The following IFT122 variants were observed in gnomAD, a reference collection of about 807,000 sequenced individuals.
IFT122 encodes intraflagellar transport protein 122 homolog.
IFT122 carries 118 observed loss-of-function variants against 161.6 expected under a neutral mutation model. The observed-to-expected ratio is 0.73, with a 90% CI of 0.63 to 0.85. The LOEUF is 0.85. Ranked by LOEUF, IFT122 falls within the 40% of genes least tolerant of loss-of-function variation. The probability of loss-of-function intolerance (pLI) is 0.00; values close to 1 mark genes in which losing one functional copy is unlikely to be tolerated. For missense variants in IFT122, 1,381 were observed against 1,579.6 expected (o/e 0.87, Z 2.13); for synonymous variants, 550 against 602.4 (o/e 0.91, Z 1.27).
In IFT122 at chr3:129,460,780, C is replaced by CTG. The variant is rs113240923; in HGVS notation, c.273-448_273-447insTG. ...ATTACCCACAAGTGAAGGACTAAAA[C>CTG]GGGTTGAGACGCCTTGCATGGTACA... is the stretch of plus-strand genomic sequence containing the variant. On this transcript the variant is annotated intron_variant, in intron 4 of 29. Coordinates refer to ENST00000348417, the MANE Select transcript of IFT122 (RefSeq NM_052989.3). 127,154 of 1,162,456 alleles carry CTG rather than the reference C, an allele frequency of 0.11. 9,132 individuals are homozygous for CTG. The highest frequency in any genetic ancestry group is 0.25 in the South Asian group (20,135 of 81,710). 72.0% of individuals were successfully genotyped at this position (1,162,456 alleles called of 1,614,324 possible).
At chr3:129,512,796 A>G (rs958154980) in intron 24 of IFT122, 7 of 306,532 alleles carry the variant, frequency 2.3e-5, no homozygotes, top group Non-Finnish European at 3.8e-5. Flanking sequence ...CCAGGTATAC[A>G]TAGCACCTTC....
At chr3:129,518,747 C>T (rs991818634) in intron 27 of IFT122, among the ~76,000 whole-genome samples, 6 of 152,150 alleles carry the variant, frequency 3.9e-5, no homozygotes, top group Admixed American at 1.3e-4. Flanking sequence ...CAGGGACTCT[C>T]GCCCCTGTCT....
rs57434974 is a variant in IFT122, at chr3:129,455,898, T to TGAG, written c.194-2674_194-2672dup. The stretch of plus-strand genomic sequence containing the variant: ...TTCATTGTCTTCAGGTTGAATAGGC[T>TGAG]GAGGAGGAGGAGGAGGAGGAGGAGG... On this transcript the variant is annotated intron_variant, in intron 3 of 29. Coordinates refer to ENST00000348417, the MANE Select transcript of IFT122 (RefSeq NM_052989.3). 2.4e-3 allele frequency among the ~76,000 whole-genome samples: 356 copies of TGAG among 150,732 alleles called. 3 individuals are homozygous for TGAG. Among genetic ancestry groups the TGAG allele is most frequent in the East Asian group, 0.014 (72 of 5,152 alleles).
chr3:129,502,506 C>G lies in IFT122; in HGVS notation c.2376-205C>G, dbSNP rs1872104. Among the ~76,000 whole-genome samples the G allele has an allele frequency of 0.04, 6,095 of 152,272 alleles. 370 individuals are homozygous for G. Among genetic ancestry groups the G allele is most frequent in the African/African-American group, 0.12 (5,085 of 41,538 alleles). ...CTTCCGAGAAAGACACACAAGGTGGCTGACAGGATCCTGTAAAGGCCACCT... is the reference window on the plus strand; with the variant it reads ...CTTCCGAGAAAGACACACAAGGTGGGTGACAGGATCCTGTAAAGGCCACCT... On this transcript the variant is annotated intron_variant, in intron 19 of 29. Transcript: ENST00000348417.
At position 129,515,158 on chromosome 3, in the gene IFT122, T is replaced by G. The variant is rs1304698078; in HGVS notation, c.3154-330T>G. The G allele has an allele frequency of 8.4e-6, 4 of 477,516 alleles. No individual in the cohort carries two copies. The Admixed American group carries it at 1.3e-4, about 16-fold the overall frequency. The allele number at this position is 477,516 out of a possible 1,614,324, so 29.6% of individuals were successfully genotyped here. On this transcript the variant is annotated intron_variant, in intron 25 of 29. Coordinates refer to ENST00000348417, the MANE Select transcript of IFT122 (RefSeq NM_052989.3). ...GCTAAATGAGCCAGTATAGTCCACG[T>G]GCTCCGCACGGTGCCCGGAGCATGG... is the stretch of plus-strand genomic sequence containing the variant.
intron 25 of IFT122, chr3:129,514,952 A>G (rs1260429009): frequency 5.0e-5 from 19 of 382,970 alleles, no homozygotes; most frequent in South Asian, 3.6e-4. Context: ...AATCTACCCC[A>G]CACTCCCAAC....
chr3:129,516,212 T>C (rs1300233791), intron 26 of IFT122, among the ~76,000 whole-genome samples: 10 of 108,280 alleles, frequency 9.2e-5, no homozygotes, highest in Non-Finnish European at 1.8e-5. Context: ...ACACGGAGAC[T>C]GCCTCTGCAC....
At chr3:129,516,476 CAT>C (rs1462091970) in intron 26 of IFT122, among the ~76,000 whole-genome samples, 5 of 134,164 alleles carry the variant, frequency 3.7e-5, no homozygotes, top group Non-Finnish European at 4.7e-5. Flanking sequence ...TGCACACACA[CAT>C]GGAGACTGCC....
intron 16 of IFT122, among the ~76,000 whole-genome samples, chr3:129,491,377 C>CCTGGT (rs1286485278): frequency 6.6e-6 from 1 of 152,176 alleles, no homozygotes; most frequent in African/African-American, 2.4e-5. Flanking sequence ...AGCAGCCTGA[C>CCTGGT]CTGGTGGCTT....
At chr3:129,441,980 A>G (rs1021914637) in intron 1 of IFT122, among the ~76,000 whole-genome samples, 2 of 152,172 alleles carry the variant, frequency 1.3e-5, no homozygotes, top group African/African-American at 2.4e-5. Context: ...GCTCCTGCCA[A>G]TTACCACCAT....
chr3:129,452,031 A>G (rs1233882580), intron 3 of IFT122, 33 bp downstream of exon 3: 3 of 1,412,108 alleles, frequency 2.1e-6, no homozygotes, highest in Admixed American at 1.7e-5. Flanking sequence ...CATTCTCTAT[A>G]ATAGCCTCAT....
At chr3:129,492,816 C>CTTTT (rs376279677) in intron 17 of IFT122, among the ~76,000 whole-genome samples, 9 of 125,714 alleles carry the variant, frequency 7.2e-5, no homozygotes, top group African/African-American at 2.4e-4. Context: ...CTTTTTTTTT[C>CTTTT]TTTTTTTTTT....
chr3:129,476,563 G>T, intron 10 of IFT122, 57 bp downstream of exon 10: 2 of 1,612,272 alleles, frequency 1.2e-6, no homozygotes, highest in South Asian at 1.1e-5. Flanking sequence ...CTGAGCAGCC[G>T]CCGTGTCTCG....
intron 15 of IFT122, chr3:129,487,928 G>T (rs2079500550): frequency 9.7e-6 from 4 of 412,058 alleles, no homozygotes; most frequent in Non-Finnish European, 1.9e-5. Flanking sequence ...AGCCAAATAG[G>T]TATTTTCCAG....
At chr3:129,512,620 G>A in intron 24 of IFT122, 1 of 609,394 alleles carries the variant, frequency 1.6e-6, no homozygotes, top group Non-Finnish European at 2.9e-6. Context: ...GAGTTTTCAG[G>A]GCTCTCTGAG....
intron 1 of IFT122, among the ~76,000 whole-genome samples, chr3:129,442,710 C>CT (rs1478248529): frequency 6.6e-6 from 1 of 152,136 alleles, no homozygotes. Flanking sequence ...AGCAGGAACT[C>CT]TGTTTTTTTA....
chr3:129,472,126 A>C (rs1240390421), intron 9 of IFT122, among the ~76,000 whole-genome samples: 1 of 152,116 alleles, frequency 6.6e-6, no homozygotes, highest in Non-Finnish European at 1.5e-5. Context: ...GACCATTCAA[A>C]AGTTGTATTG....
At position 129,517,373 on chromosome 3, in the gene IFT122, T is replaced by G. The variant is rs551502987; in HGVS notation, c.3266-96T>G. ...TTCTTGCTTTTGGTGAAGCTGCCAG[T>G]GGGTTGAGAAGCAACTCTGTGGTCA... On this transcript the variant is annotated intron_variant, in intron 26 of 29. Coordinates refer to ENST00000348417, the MANE Select transcript of IFT122 (RefSeq NM_052989.3). 4 of 1,536,490 alleles carry G rather than the reference T, an allele frequency of 2.6e-6. No homozygotes were observed. The African/African-American group carries it at 4.1e-5, about 16-fold the overall frequency.
intron 24 of IFT122, chr3:129,513,870 A>AG: frequency 4.0e-6 from 1 of 250,234 alleles, no homozygotes; most frequent in Admixed American, 5.4e-5. Flanking sequence ...AGGAGCTTCA[A>AG]GGGGGCCCCA....
Sources: allele counts gnomAD v4.1 joint callset (sites outside exome capture counted in the v4.1 genomes callset), GRCh38; gene constraint gnomAD v4.1.1; transcripts MANE v1.5; gene names NCBI Gene and HGNC (gene_info 2026-07-23, HGNC 2026-07-21).